Variants in EP400 observed in about 807,000 individuals in gnomAD.
EP400 encodes E1A-binding protein p400.
EP400 carries 105 observed loss-of-function variants against 354.1 expected under a neutral mutation model. That is an observed-to-expected ratio of 0.30 (90% CI 0.25 to 0.35). The LOEUF is 0.35. Among genes scored for constraint, EP400 ranks in the 10% least tolerant of loss-of-function variants. EP400 has a pLI of 1.00. For missense variants in EP400, 3,280 were observed against 4,121.0 expected (o/e 0.80, Z 5.59); for synonymous variants, 1,646 against 1,716.9 (o/e 0.96, Z 1.02).
chr12:131,977,670 C>CT (rs1363182180), intron 2 of EP400, among the ~76,000 whole-genome samples: 2 of 152,220 alleles, frequency 1.3e-5, no homozygotes, highest in Non-Finnish European at 2.9e-5. Context: ...TCAAAACATT[C>CT]TTTCCTTTCT....
At chr12:132,074,231 G>A (rs1421920433) in intron 51 of EP400, among the ~76,000 whole-genome samples, 1 of 152,142 alleles carries the variant, frequency 6.6e-6, no homozygotes, top group African/African-American at 2.4e-5. Flanking sequence ...GGTCGGCATT[G>A]TTTTCTGAGT....
chr12:131,965,212 AGGTG>A (rs1346857699), intron 2 of EP400, among the ~76,000 whole-genome samples: 2 of 152,340 alleles, frequency 1.3e-5, no homozygotes, highest in African/African-American at 4.8e-5. Context: ...CACTTCGTTA[AGGTG>A]GTTTCTACCA....
intron 51 of EP400, among the ~76,000 whole-genome samples, chr12:132,074,681 T>C (rs920574170): frequency 6.6e-6 from 1 of 152,240 alleles, no homozygotes; most frequent in African/African-American, 2.4e-5. Flanking sequence ...CTCGTCGTAC[T>C]ATATTCTGAG....
intron 30 of EP400, among the ~76,000 whole-genome samples, chr12:132,035,024 G>A (rs1894646918): frequency 6.6e-6 from 1 of 152,100 alleles, no homozygotes; most frequent in African/African-American, 2.4e-5. Context: ...CAAGTAAAGA[G>A]TTAAATACCT....
At position 132,053,413 on chromosome 12, in the gene EP400, C is replaced by CCG; in HGVS notation, c.7544_7545insCG (p.Pro2516AspfsTer80). 1 of 1,528,454 alleles carries CCG rather than the reference C, an allele frequency of 6.5e-7. No homozygotes were observed. The highest frequency in any genetic ancestry group is 8.8e-7 in the Non-Finnish European group (1 of 1,142,130). The allele number at this position is 1,528,454 out of a possible 1,614,324, so 94.7% of individuals were successfully genotyped here. A position where few individuals can be genotyped will look rare whatever the true frequency, so the allele number is the denominator to read the frequency against. The stretch of plus-strand genomic sequence containing the variant: ...CCACCCCCGCCCCAGCCGCAGCCCC[C>CCG]ACCACCCCCGCAGCAGCCACCGCCA... On this transcript the variant is annotated frameshift_variant, in exon 43 of 53. Transcript: ENST00000389561. LOFTEE classifies it high-confidence loss of function.
chr12:132,052,588 G>T lies in EP400; in HGVS notation c.7395-558G>T, dbSNP rs1343382483. On this transcript the variant is annotated intron_variant, in intron 41 of 52. Transcript: ENST00000389561. This position sits in a 1 kb window ranked among gnomAD's most constrained non-coding sequence, Gnocchi z 4.4. ...CCACTGCACATTTTACCTGTTTGTCGTCTGATGTGAGTGCTGTGATCGCTG... is the reference window on the plus strand; with the variant it reads ...CCACTGCACATTTTACCTGTTTGTCTTCTGATGTGAGTGCTGTGATCGCTG... Among the ~76,000 whole-genome samples, 4 of 152,360 alleles carry T rather than the reference G, an allele frequency of 2.6e-5. No homozygotes were observed. The highest frequency in any genetic ancestry group is 3.4e-3 in the Middle Eastern group (1 of 294).
In EP400 at chr12:132,064,951, C is replaced by G. The variant is rs534550048; in HGVS notation, c.8553+65C>G. The G allele has an allele frequency of 2.4e-5, 37 of 1,528,124 alleles. No homozygotes were observed. In the African/African-American group the frequency reaches 4.3e-4, roughly 18 times the overall value. The allele number at this position is 1,528,124 out of a possible 1,614,324, so 94.7% of individuals were successfully genotyped here. On this transcript the variant is annotated intron_variant, in intron 48 of 52. Coordinates refer to ENST00000389561, the MANE Select transcript of EP400 (RefSeq NM_015409.5). ...TTTTTATGTTTTAACACAGCTGTTG[C>G]GCTTGCTCAGGTGCGTGTCACGTGT...
At position 132,044,715 on chromosome 12, in the gene EP400, G is replaced by A. The variant is rs148581742; in HGVS notation, c.6630G>A (p.Pro2210=). ...EDVDGQTEVM[P]LWTPPTPPQD... is the part of the protein sequence containing the mutation. ...TCGATGGGCAGACAGAAGTCATGCC[G>A]GTGAGTGCTGCCCTCTCCCTTTGTG... The change falls in exon 36 of 53, where the codon CCG becomes CCA. Residue 2210 remains proline (P), a splice_region_variant and synonymous_variant. Transcript: ENST00000389561. 1.4e-5 allele frequency: 22 copies of A among 1,614,048 alleles called. No homozygotes were observed. The Middle Eastern group carries it at 6.6e-4, about 48-fold the overall frequency.
At chr12:131,966,562 C>CAAAAAAAAAAAAAAAAAAAAAAAAA (rs534384776) in intron 2 of EP400, among the ~76,000 whole-genome samples, 1 of 57,496 alleles carries the variant, frequency 1.7e-5, no homozygotes, top group African/African-American at 5.7e-5. Context: ...TACCCTACCT[C>CAAAAAAAAAAAAAAAAAAAAAAAAA]AAAAAAAAAA....
rs1895039110 is a variant in EP400 at position 132,045,007 on chromosome 12, C to T, written c.6784+54C>T. Reference sequence around the variant, plus strand: ...TGGGGGGGCCCTGGCCTGCAGAATCCCTGCATGTCAGCCACTTTCTGCTGT... The same window carrying T: ...TGGGGGGGCCCTGGCCTGCAGAATCTCTGCATGTCAGCCACTTTCTGCTGT... On this transcript the variant is annotated intron_variant, in intron 37 of 52. Transcript: ENST00000389561. 4 of 1,598,514 alleles carry T rather than the reference C, an allele frequency of 2.5e-6. No individual in the cohort carries two copies. In the African/African-American group the frequency reaches 4.0e-5, roughly 16 times the overall value.
chr12:132,012,163 A>G (rs931512878), intron 16 of EP400, among the ~76,000 whole-genome samples: 4 of 152,244 alleles, frequency 2.6e-5, no homozygotes, highest in African/African-American at 9.6e-5. Flanking sequence ...GTTTTGGACC[A>G]TTAGACATCA....
chr12:132,069,558 G>A lies in EP400; in HGVS notation c.8938G>A (p.Ala2980Thr). The part of the protein sequence containing the change: ...QQKVAYAAQP[A>T]LKTQFLTTPI... ...GAAGGTTGCCTACGCCGCGCAGCCG[G>A]CCCTTAAGACCCAGTTTCTTACCAC... Residue 2980 changes from alanine (A) to threonine (T), a missense_variant, in exon 51 of 53, where the codon GCC (alanine) becomes ACC (threonine). Coordinates refer to ENST00000389561, the MANE Select transcript of EP400 (RefSeq NM_015409.5). The A allele has an allele frequency of 6.2e-7, 1 of 1,614,214 alleles. No individual in the cohort carries two copies. The highest frequency in any genetic ancestry group is 8.5e-7 in the Non-Finnish European group (1 of 1,180,026).
chr12:132,000,047 TTTTTAAAAACATC>T (rs1893356973), intron 12 of EP400, among the ~76,000 whole-genome samples: 1 of 151,920 alleles, frequency 6.6e-6, no homozygotes, highest in Admixed American at 6.6e-5. Context: ...TAGTATTTCT[TTTTTAAAAACATC>T]TTTTTCTGAG....
At chr12:132,045,204 G>A (rs978669715) in intron 37 of EP400, 115 bp from the exon 38 acceptor site, 152 of 1,496,196 alleles carry the variant, frequency 1.0e-4, no homozygotes, top group Admixed American at 2.1e-5. Flanking sequence ...GGTGCTTTCT[G>A]TGGCCTCTTT....
At position 132,020,136 on chromosome 12, in the gene EP400, C is replaced by G. The variant is rs757116371; in HGVS notation, c.4365C>G (p.Pro1455=). Residue 1455 remains proline (P), a synonymous_variant, in exon 22 of 53, where the codon CCC becomes CCG. Transcript: ENST00000389561. The stretch of plus-strand genomic sequence containing the variant: ...CTCACCCGCCCCGGACGGCAGCCCC[C>G]ACCACGGCCTCTGCTGCTCCACAGG... ...PSTHPPRTAA[P]TTASAAPQGP... 3 of 1,611,866 alleles carry G rather than the reference C, an allele frequency of 1.9e-6. No individual in the cohort carries two copies. The highest frequency in any genetic ancestry group is 1.7e-5 in the Admixed American group (1 of 59,626).
At chr12:132,046,089 A>G (rs573699544) in intron 39 of EP400, among the ~76,000 whole-genome samples, 189 bp downstream of exon 39, 5 of 152,198 alleles carry the variant, frequency 3.3e-5, no homozygotes, top group Non-Finnish European at 7.3e-5. Context: ...TGCCTCGCCT[A>G]TGGCATGAGC....
intron 1 of EP400, among the ~76,000 whole-genome samples, chr12:131,952,324 A>AAG (rs1482155910): frequency 6.9e-6 from 1 of 144,698 alleles, no homozygotes; most frequent in Non-Finnish European, 1.5e-5. Context: ...AAAAAAAAAA[A>AAG]AGAAAAAGAA....
At position 132,017,490 on chromosome 12, in the gene EP400, G is replaced by A. The variant is rs73162986; in HGVS notation, c.3924-45G>A. 5,970 of 1,600,810 alleles carry A rather than the reference G, an allele frequency of 3.7e-3. 19 individuals carry two copies. Among genetic ancestry groups the A allele is most frequent in the Non-Finnish European group, 4.4e-3 (5,128 of 1,172,532 alleles). Reference sequence around the variant, plus strand: ...ATGGTGAGGGTGGGACTATGTCCATGTGCCGTTTGGATTGAATGCTTCGTG... The same window carrying A: ...ATGGTGAGGGTGGGACTATGTCCATATGCCGTTTGGATTGAATGCTTCGTG... On this transcript the variant is annotated intron_variant, in intron 19 of 52. Coordinates refer to ENST00000389561, the MANE Select transcript of EP400 (RefSeq NM_015409.5). This position sits in a 1 kb window ranked among gnomAD's most constrained non-coding sequence, Gnocchi z 5.0.
At chr12:131,976,229 G>A (rs1892468215) in intron 2 of EP400, among the ~76,000 whole-genome samples, 1 of 152,060 alleles carries the variant, frequency 6.6e-6, no homozygotes, top group South Asian at 2.1e-4. Context: ...TAGTACGTGG[G>A]TCATCTTGAG....
Sources: gnomAD v4.1 joint callset for allele counts (sites outside exome capture counted in the v4.1 genomes callset) on GRCh38, gnomAD v4.1.1 for gene constraint, Gnocchi (gnomAD v3.1) non-coding constraint, MANE v1.5 for transcripts, NCBI Gene and HGNC (gene_info 2026-07-23, HGNC 2026-07-21) for gene names.